The following NECAB2 variants were observed in gnomAD, a reference collection of about 807,000 sequenced individuals.
NECAB2 encodes N-terminal EF-hand calcium-binding protein 2.
NECAB2 carries 68 observed loss-of-function variants against 51.9 expected under a neutral mutation model. The ratio of observed to expected loss-of-function variants is 1.31; its 90% CI spans 1.08 to 1.60. The LOEUF is 1.60. NECAB2 is among the 40% of genes most tolerant of loss of function. The pLI, the probability that NECAB2 is intolerant of heterozygous loss-of-function variation, is 0.00. For synonymous variants in NECAB2, 329 were observed against 203.5 expected (o/e 1.62, Z -5.25); for missense variants, 854 against 490.3 (o/e 1.74, Z -7.00).
intron 2 of NECAB2, 33 bp downstream of exon 2, chr16:83,972,208 A>G (rs748594595): frequency 1.1e-5 from 18 of 1,612,760 alleles, no homozygotes; most frequent in Non-Finnish European, 1.5e-5. Context: ...CGGCCGCCCC[A>G]CTCCTTCTGT....
chr16:83,983,151 G>C (rs1474566482), intron 5 of NECAB2, among the ~76,000 whole-genome samples: 1 of 152,162 alleles, frequency 6.6e-6, no homozygotes. Flanking sequence ...TTACAGGTGT[G>C]ATGTGATTGG....
At chr16:83,994,483 CCT>C in intron 7 of NECAB2, 63 bp downstream of exon 7, 1 of 1,596,276 alleles carries the variant, frequency 6.3e-7, no homozygotes, top group Non-Finnish European at 8.6e-7. Context: ...TTCTGAGAGT[CCT>C]CTGACAGGGA....
chr16:83,998,546 G>A (rs1485558342), intron 10 of NECAB2, among the ~76,000 whole-genome samples: 1 of 152,142 alleles, frequency 6.6e-6, no homozygotes, highest in African/African-American at 2.4e-5. Flanking sequence ...ATCTGTAAAG[G>A]GGGGACCACC....
chr16:83,992,382 C>CA (rs1253364194), intron 6 of NECAB2, among the ~76,000 whole-genome samples: 2 of 134,306 alleles, frequency 1.5e-5, no homozygotes, highest in African/African-American at 6.8e-5. Flanking sequence ...ACCCGTCCCC[C>CA]CGCCCACCTC....
At chr16:83,986,507 C>T (rs1327756333) in intron 5 of NECAB2, among the ~76,000 whole-genome samples, 1 of 152,084 alleles carries the variant, frequency 6.6e-6, no homozygotes, top group African/African-American at 2.4e-5. Context: ...GACAAACTTC[C>T]TGTGCATTTC....
intron 6 of NECAB2, among the ~76,000 whole-genome samples, chr16:83,991,171 C>A (rs755702089): frequency 1.3e-5 from 2 of 151,464 alleles, no homozygotes; most frequent in African/African-American, 4.9e-5. Context: ...TTAGTAGAGA[C>A]GGGGTTTTGT....
At chr16:83,980,349 C>A (rs1364371771) in intron 3 of NECAB2, among the ~76,000 whole-genome samples, 1 of 152,170 alleles carries the variant, frequency 6.6e-6, no homozygotes, top group East Asian at 1.9e-4. Flanking sequence ...CAAGAAAGGA[C>A]AGGACCCTTC....
At position 84,002,233 on chromosome 16, in the gene NECAB2, G is replaced by C; in HGVS notation, c.1133-85G>C. ...ACACAAGGACTCAAAGCCATCCCCCGACCTGTCATTCAAGACGACCACCAC... is the reference window on the plus strand; with the variant it reads ...ACACAAGGACTCAAAGCCATCCCCCCACCTGTCATTCAAGACGACCACCAC... On this transcript the variant is annotated intron_variant, in intron 12 of 12. Transcript: ENST00000305202. 2.6e-6 allele frequency: 4 copies of C among 1,516,204 alleles called. No homozygotes were observed. In the South Asian group the frequency reaches 3.4e-5, roughly 13 times the overall value. The allele number at this position is 1,516,204 out of a possible 1,614,324, so 93.9% of individuals were successfully genotyped here. A position where few individuals can be genotyped will look rare whatever the true frequency, so the allele number is the denominator to read the frequency against.
chr16:83,965,961 C>T, upstream of NECAB2: 1 of 1,607,444 alleles, frequency 6.2e-7, no homozygotes, highest in Non-Finnish European at 8.5e-7. Flanking sequence ...GGCGCCTTGG[C>T]TGTGGCCAGC....
chr16:83,985,313 C>CAAAAAAAAAAAAAAAAAAAAAA (rs71148868), intron 5 of NECAB2, among the ~76,000 whole-genome samples: 8 of 30,194 alleles, frequency 2.6e-4, no homozygotes, highest in Non-Finnish European at 4.7e-4. Flanking sequence ...ATCTCTGTCT[C>CAAAAAAAAAAAAAAAAAAAAAA]AAAAAAAAAA....
intron 5 of NECAB2, 92 bp downstream of exon 5, chr16:83,981,219 G>A (rs2084485520): frequency 1.7e-6 from 2 of 1,200,750 alleles, no homozygotes; most frequent in East Asian, 4.7e-5. Flanking sequence ...TTGAAGACAG[G>A]CCGCCAGGGA....
Position 83,985,469 on chromosome 16 carries a change from C to T in NECAB2, c.459+4342C>T, listed in dbSNP as rs1273646809. ...CCAACATGGTGAAACCCCGTCTCTA[C>T]TAAAAATACAAAAATTAGCTGGGCG... On this transcript the variant is annotated intron_variant, in intron 5 of 12. Transcript: ENST00000305202. 7.3e-5 allele frequency among the ~76,000 whole-genome samples: 11 copies of T among 151,268 alleles called. No individual in the cohort carries two copies. The East Asian group carries it at 2.1e-3, about 29-fold the overall frequency.
At chr16:83,972,286 G>T (rs748215604) in intron 2 of NECAB2, 111 bp downstream of exon 2, 23 of 1,501,784 alleles carry the variant, frequency 1.5e-5, no homozygotes, top group Non-Finnish European at 2.0e-5. Context: ...AAGGTTTGGA[G>T]TGCAGGGGTC....
intron 5 of NECAB2, among the ~76,000 whole-genome samples, chr16:83,981,694 C>G (rs951507400): frequency 6.6e-6 from 1 of 152,076 alleles, no homozygotes; most frequent in African/African-American, 2.4e-5. Flanking sequence ...GAAACTGAGT[C>G]AGGGACCTGG....
chr16:83,990,572 C>A lies in NECAB2; in HGVS notation c.538C>A (p.Leu180Met), dbSNP rs1005852174. 3.7e-6 allele frequency: 6 copies of A among 1,614,174 alleles called. No homozygotes were observed. The highest frequency in any genetic ancestry group is 4.2e-6 in the Non-Finnish European group (5 of 1,180,036). ...LKETANQIQS[L>M]LSSVESAVEA... The stretch of plus-strand genomic sequence containing the variant: ...GGAGACGGCCAATCAGATCCAGTCG[C>A]TGCTGAGCTCAGTGGAGAGTGCGGT... The change falls in exon 6 of 13, where the codon CTG (leucine) becomes ATG (methionine). Residue 180 changes from leucine to methionine, a missense_variant. Transcript: ENST00000305202.
chr16:83,998,931 G>C (rs1210828160), intron 10 of NECAB2, among the ~76,000 whole-genome samples: 2 of 152,204 alleles, frequency 1.3e-5, no homozygotes, highest in Non-Finnish European at 2.9e-5. Flanking sequence ...AGTGGAGGGG[G>C]TTGCAGAAGA....
At chr16:83,985,558 G>A (rs765783747) in intron 5 of NECAB2, among the ~76,000 whole-genome samples, 17 of 151,620 alleles carry the variant, frequency 1.1e-4, no homozygotes, top group East Asian at 3.9e-4. Context: ...ACTTGAACCC[G>A]GGAGGTGGAG....
chr16:83,972,311 C>A, intron 2 of NECAB2, 136 bp downstream of exon 2: 2 of 1,236,328 alleles, frequency 1.6e-6, no homozygotes, highest in South Asian at 1.3e-5. Flanking sequence ...GTTAGAAGGC[C>A]AAATCCTGCT....
intron 1 of NECAB2, among the ~76,000 whole-genome samples, chr16:83,970,046 C>A (rs2084332037): frequency 6.6e-6 from 1 of 152,190 alleles, no homozygotes; most frequent in Non-Finnish European, 1.5e-5. Context: ...CACACCCATG[C>A]AGCCAAACCA....
Sources: allele counts gnomAD v4.1 joint callset (sites outside exome capture counted in the v4.1 genomes callset), GRCh38; gene constraint gnomAD v4.1.1; transcripts MANE v1.5; gene names NCBI Gene and HGNC (gene_info 2026-07-23, HGNC 2026-07-21).